Variants in SCARB1 observed in about 807,000 individuals in gnomAD.
SCARB1 encodes the protein scavenger receptor class B member 1, also known as CD36 and LIMPII analogous 1.
In SCARB1, 30 loss-of-function variants were observed where a neutral mutation model predicts 57.2. The observed-to-expected ratio is 0.52, with a 90% CI of 0.39 to 0.71. The LOEUF (loss-of-function observed/expected upper bound fraction) is 0.71. SCARB1 is among the 30% of genes least tolerant of loss of function. The pLI is 0.00. For synonymous variants in SCARB1, 249 were observed against 268.3 expected (o/e 0.93, Z 0.70); for missense variants, 543 against 671.2 (o/e 0.81, Z 2.11).
intron 1 of SCARB1, among the ~76,000 whole-genome samples, chr12:124,828,885 C>T (rs77334182): frequency 6.6e-6 from 1 of 152,328 alleles, no homozygotes; most frequent in Non-Finnish European, 1.5e-5. Context: ...TTTGCCCAGA[C>T]GAAGCCTAGT....
chr12:124,793,991 TACG>T (rs1450360342), intron 9 of SCARB1, among the ~76,000 whole-genome samples: 12 of 152,242 alleles, frequency 7.9e-5, no homozygotes, highest in Non-Finnish European at 1.5e-4. Context: ...TGATCCATGC[TACG>T]ACATGGATGA....
At position 124,800,409 on chromosome 12, in the gene SCARB1, C is replaced by T. The variant is rs911364781; in HGVS notation, c.1010-167G>A. Among the ~76,000 whole-genome samples the T allele has an allele frequency of 1.3e-5, 2 of 152,172 alleles. No individual in the cohort carries two copies. Among genetic ancestry groups the T allele is most frequent in the South Asian group, 4.1e-4 (2 of 4,822 alleles). ...TCCATTCTGTAAAAAGCCCCAGGCC[C>T]TGTGATGAGGGACAAGCTCTGCGCC... On this transcript the variant is annotated intron_variant, in intron 7 of 12. Coordinates refer to ENST00000261693, the MANE Select transcript of SCARB1 (RefSeq NM_005505.5). This position sits in a 1 kb window ranked among gnomAD's most constrained non-coding sequence, Gnocchi z 4.8.
chr12:124,862,052 T>C (rs1281948061), intron 1 of SCARB1, among the ~76,000 whole-genome samples: 1 of 152,168 alleles, frequency 6.6e-6, no homozygotes, highest in Non-Finnish European at 1.5e-5. Flanking sequence ...GGTCACATGC[T>C]TGAACTGCCT....
intron 12 of SCARB1, among the ~76,000 whole-genome samples, chr12:124,780,019 CT>C (rs1327583356): frequency 1.3e-5 from 2 of 152,198 alleles, no homozygotes; most frequent in Non-Finnish European, 2.9e-5. Context: ...GAAACCACCC[CT>C]AGGCTGTAAA....
intron 1 of SCARB1, among the ~76,000 whole-genome samples, chr12:124,839,426 G>C (rs1425399416): frequency 1.3e-5 from 2 of 152,286 alleles, no homozygotes; most frequent in East Asian, 3.9e-4. Flanking sequence ...ACGTGTGGAT[G>C]GGCCCCAGCT....
intron 1 of SCARB1, among the ~76,000 whole-genome samples, chr12:124,854,348 C>G (rs976206541): frequency 2.0e-5 from 3 of 152,298 alleles, no homozygotes; most frequent in Non-Finnish European, 4.4e-5. Flanking sequence ...ATGCGGACGT[C>G]GCCAGAAAAG....
chr12:124,794,432 GCT>G lies in SCARB1; in HGVS notation c.1202+761_1202+762del, dbSNP rs1949860755. On this transcript the variant is annotated intron_variant, in intron 9 of 12. Transcript: ENST00000261693. ...TTTTTTTTTTTTGAGACGGAGTCTT[GCT>G]CTGTCGCCCAGGCTGGAGTGCAGTG... Among the ~76,000 whole-genome samples the G allele has an allele frequency of 1.7e-5, 2 of 120,112 alleles. 1 individual carries two copies. 78.8% of individuals were successfully genotyped at this position (120,112 alleles called of 152,430 possible).
intron 12 of SCARB1, among the ~76,000 whole-genome samples, chr12:124,781,166 G>T (rs886121353): frequency 6.6e-6 from 1 of 152,166 alleles, no homozygotes; most frequent in South Asian, 2.1e-4. Flanking sequence ...TGGGACACAG[G>T]GCTGGCAGCG....
At chr12:124,806,979 A>C (rs1950346007) in intron 7 of SCARB1, among the ~76,000 whole-genome samples, 1 of 152,016 alleles carries the variant, frequency 6.6e-6, no homozygotes, top group African/African-American at 2.4e-5. Context: ...CAGGCAGATC[A>C]CTTGAGGTCA....
chr12:124,821,234 TCTCACA>T, intron 1 of SCARB1: 2 of 146,192 alleles, frequency 1.4e-5, no homozygotes, highest in Non-Finnish European at 1.8e-5. Flanking sequence ...CGAGACTCCA[TCTCACA>T]CACACACACA....
At chr12:124,853,426 G>C (rs1438925649) in intron 1 of SCARB1, among the ~76,000 whole-genome samples, 1 of 136,150 alleles carries the variant, frequency 7.3e-6, no homozygotes, top group Non-Finnish European at 1.5e-5. Flanking sequence ...ACGGAGTCTC[G>C]CTCTGTCACC....
At chr12:124,795,341 G>A in intron 8 of SCARB1, 73 bp from the exon 9 acceptor site, 3 of 1,278,348 alleles carry the variant, frequency 2.3e-6, no homozygotes, top group Non-Finnish European at 3.4e-6. Context: ...TCCTCTCCCT[G>A]GTCCCAGTCA....
intron 8 of SCARB1, among the ~76,000 whole-genome samples, chr12:124,795,632 T>C (rs1038048255): frequency 6.6e-6 from 1 of 152,226 alleles, no homozygotes; most frequent in Admixed American, 6.5e-5. Flanking sequence ...AAGTGCAGAA[T>C]GGCAATTTGT....
rs1362046821 is a variant in SCARB1, at chr12:124,817,760, C to T, written c.127-53G>A. 4.4e-6 allele frequency: 7 copies of T among 1,599,804 alleles called. No individual in the cohort carries two copies. The East Asian group carries it at 1.6e-4, about 36-fold the overall frequency. ...TGAGGAGAGTGATGAGGGCCCCACGCCCCACCACAAGGCTCCGGAACAGCT... is the reference window on the plus strand; with the variant it reads ...TGAGGAGAGTGATGAGGGCCCCACGTCCCACCACAAGGCTCCGGAACAGCT... On this transcript the variant is annotated intron_variant, in intron 1 of 12. Coordinates refer to ENST00000261693, the MANE Select transcript of SCARB1 (RefSeq NM_005505.5). The surrounding 1 kb of genome is among the most constrained non-coding windows in gnomAD (Gnocchi z 4.8).
In SCARB1 at chr12:124,795,236, T is replaced by C; in HGVS notation, c.1161A>G (p.Lys387=). The change falls in exon 9 of 13, where the codon AAA becomes AAG. Residue 387 remains lysine (K), a synonymous_variant. Transcript: ENST00000261693. ...VTGIPMNCSV[K]LQLSLYMKSV... is the part of the protein sequence containing the mutation. ...ATTTCATGTAGAGGCTCAGCTGCAG[T>C]TTCACAGAGCAGTTCATGGGGATTC... 1 of 1,613,954 alleles carries C rather than the reference T, an allele frequency of 6.2e-7. No homozygotes were observed. Among genetic ancestry groups the C allele is most frequent in the Non-Finnish European group, 8.5e-7 (1 of 1,179,894 alleles).
At position 124,786,341 on chromosome 12, in the gene SCARB1, T is replaced by C. The variant is rs1949517626; in HGVS notation, c.1401+16A>G. On this transcript the variant is annotated intron_variant, in intron 11 of 12. Coordinates refer to ENST00000261693, the MANE Select transcript of SCARB1 (RefSeq NM_005505.5). ...GAATGGCTGTCAGCCCGGGCTGCCCTCTGGCCAGCACCTACTTGGCTCCGG... is the reference window on the plus strand; with the variant it reads ...GAATGGCTGTCAGCCCGGGCTGCCCCCTGGCCAGCACCTACTTGGCTCCGG... 1 of 1,613,130 alleles carries C rather than the reference T, an allele frequency of 6.2e-7. No individual in the cohort carries two copies. Among genetic ancestry groups the C allele is most frequent in the African/African-American group, 1.3e-5 (1 of 74,898 alleles).
At chr12:124,793,950 CA>C (rs1949830679) in intron 9 of SCARB1, among the ~76,000 whole-genome samples, 1 of 152,122 alleles carries the variant, frequency 6.6e-6, no homozygotes, top group Admixed American at 6.5e-5. Context: ...TCTATCCAGA[CA>C]ATGGAATATT....
At chr12:124,837,821 G>A (rs1023353294) in intron 1 of SCARB1, among the ~76,000 whole-genome samples, 7 of 152,026 alleles carry the variant, frequency 4.6e-5, no homozygotes, top group East Asian at 1.9e-4. Flanking sequence ...GGAGGATAAC[G>A]AGCCCAGGAG....
At chr12:124,858,621 T>C (rs1251959459) in intron 1 of SCARB1, among the ~76,000 whole-genome samples, 1 of 152,054 alleles carries the variant, frequency 6.6e-6, no homozygotes, top group Non-Finnish European at 1.5e-5. Flanking sequence ...GGCTCACACC[T>C]GTAATCCCAG....
Sources: allele counts gnomAD v4.1 joint callset (sites outside exome capture counted in the v4.1 genomes callset), GRCh38; gene constraint gnomAD v4.1.1; non-coding constraint Gnocchi (gnomAD v3.1); transcripts MANE v1.5; gene names NCBI Gene and HGNC (gene_info 2026-07-23, HGNC 2026-07-21).